SECTM1: variants seen among roughly 807,000 people sequenced by gnomAD.
The protein encoded by SECTM1 is secreted and transmembrane protein 1.
A neutral mutation model predicts 18.1 loss-of-function variants in SECTM1; 10 were observed. The observed-to-expected ratio is 0.55, with a 90% CI of 0.34 to 0.94. The LOEUF (loss-of-function observed/expected upper bound fraction) is 0.94. Among genes scored for constraint, SECTM1 ranks in the 40% least tolerant of loss-of-function variants. The pLI is 0.02. For synonymous variants in SECTM1, 137 were observed against 139.2 expected (o/e 0.98, Z 0.11); for missense variants, 297 against 322.6 (o/e 0.92, Z 0.61).
At chr17:82,332,576 C>T (rs146000966) in intron 1 of SECTM1, among the ~76,000 whole-genome samples, 1 of 152,314 alleles carries the variant, frequency 6.6e-6, no homozygotes, top group African/African-American at 2.4e-5. Context: ...ACGTCTCTAC[C>T]GAGAATGAGC....
rs1399214205 is a variant in SECTM1, at chr17:82,327,194, A to G, written c.47T>C (p.Leu16Pro). ...GGCAGCCAAAAACAGGAGGGTCCCA[A>G]GGGCCTGGGAAACGTGGCCAGGGAA... is the stretch of plus-strand genomic sequence containing the variant. Reference protein sequence around the residue: ...LAFPGHVSQALGTLLFLAASL... With the variant: ...LAFPGHVSQAPGTLLFLAASL... Residue 16 changes from leucine to proline, a missense_variant, in exon 2 of 5, where the codon CTT becomes CCT. By Grantham distance (98) the Leu-to-Pro change is moderately conservative (BLOSUM62 -3). Coordinates refer to ENST00000269389, the MANE Select transcript of SECTM1 (RefSeq NM_003004.3). 3.1e-6 allele frequency: 5 copies of G among 1,612,752 alleles called. No homozygotes were observed. Among genetic ancestry groups the G allele is most frequent in the Admixed American group, 1.7e-5 (1 of 59,876 alleles).
At position 82,324,895 on chromosome 17, in the gene SECTM1, AG is replaced by A; in HGVS notation, c.95-6del. On this transcript the variant is annotated splice_polypyrimidine_tract_variant and splice_region_variant and intron_variant, in intron 2 of 4. Transcript: ENST00000269389. ...TGCAGATGGGGCTGTCCCAGCCTGT[AG>A]GGCCAGACAGAGGCACACACGGATC... is the stretch of plus-strand genomic sequence containing the variant. The A allele has an allele frequency of 1.2e-6, 2 of 1,605,118 alleles. No homozygotes were observed. Among genetic ancestry groups the A allele is most frequent in the Non-Finnish European group, 1.7e-6 (2 of 1,174,428 alleles).
At position 82,326,696 on chromosome 17, in the gene SECTM1, G is replaced by A. The variant is rs1387633205; in HGVS notation, c.94+451C>T. ...CTAGAGAGCTGGGGAGGATCTCACTGGGGGACCCTGTTCAAATGCAGATCC... is the reference window on the plus strand; with the variant it reads ...CTAGAGAGCTGGGGAGGATCTCACTAGGGGACCCTGTTCAAATGCAGATCC... On this transcript the variant is annotated intron_variant, in intron 2 of 4. Transcript: ENST00000269389. The surrounding 1 kb of genome is among the most constrained non-coding windows in gnomAD (Gnocchi z 4.3). Among the ~76,000 whole-genome samples the A allele has an allele frequency of 6.6e-6, 1 of 152,154 alleles. No individual in the cohort carries two copies. Among genetic ancestry groups the A allele is most frequent in the Non-Finnish European group, 1.5e-5 (1 of 68,026 alleles).
At chr17:82,327,983 T>G (rs1316374594) in intron 1 of SECTM1, 2 of 66,506 alleles carry the variant, frequency 3.0e-5, no homozygotes, top group African/African-American at 1.2e-4. Flanking sequence ...CTCCCCAGCC[T>G]GTCCATCAGC....
intron 1 of SECTM1, among the ~76,000 whole-genome samples, chr17:82,332,422 T>A (rs955017234): frequency 6.6e-6 from 1 of 151,884 alleles, no homozygotes; most frequent in African/African-American, 2.4e-5. Context: ...GGGTGCTGGG[T>A]GTGTGGAAGC....
rs1011423063 is a variant in SECTM1 at position 82,321,989 on chromosome 17, G to C, written c.*172C>G. On this transcript the variant is annotated 3_prime_UTR_variant, in exon 5 of 5. Transcript: ENST00000269389. ...TGAGGAAGCAGAGCTTGGAAGACCT[G>C]GGGGGTGGAGGGGAAGGGTCTGCAC... The C allele has an allele frequency of 5.0e-6, 3 of 595,596 alleles. No individual in the cohort carries two copies. In the African/African-American group the frequency reaches 5.7e-5, roughly 11 times the overall value. 36.9% of individuals were successfully genotyped at this position (595,596 alleles called of 1,614,324 possible).
At position 82,322,867 on chromosome 17, in the gene SECTM1, G is replaced by T. The variant is rs747831859; in HGVS notation, c.537+11C>A. The T allele has an allele frequency of 2.7e-5, 43 of 1,613,062 alleles. 1 individual carries two copies. In the South Asian group the frequency reaches 4.4e-4, roughly 16 times the overall value. On this transcript the variant is annotated intron_variant, in intron 4 of 4. Transcript: ENST00000269389. ...CCCACCCCGCACAAACTGGGGTGCAGGGCCTCCTACCTCCCGGCGTTGCTG... is the reference window on the plus strand; with the variant it reads ...CCCACCCCGCACAAACTGGGGTGCATGGCCTCCTACCTCCCGGCGTTGCTG...
rs952526360 is a variant in SECTM1 at position 82,326,378 on chromosome 17, T to A, written c.94+769A>T. 6.6e-6 allele frequency among the ~76,000 whole-genome samples: 1 copy of A among 151,992 alleles called. No individual in the cohort carries two copies. Among genetic ancestry groups the A allele is most frequent in the African/African-American group, 2.4e-5 (1 of 41,364 alleles). Reference sequence around the variant, plus strand: ...ACTTTGGGAGGCCGAGGTGGGAGGATCACTTGAGCCCAGGAGTTTGAGACC... The same window carrying A: ...ACTTTGGGAGGCCGAGGTGGGAGGAACACTTGAGCCCAGGAGTTTGAGACC... On this transcript the variant is annotated intron_variant, in intron 2 of 4. Transcript: ENST00000269389. The surrounding 1 kb of genome is among the most constrained non-coding windows in gnomAD (Gnocchi z 4.3).
At chr17:82,333,456 C>G (rs1309593148) in intron 1 of SECTM1, among the ~76,000 whole-genome samples, 1 of 152,064 alleles carries the variant, frequency 6.6e-6, no homozygotes, top group Non-Finnish European at 1.5e-5. Flanking sequence ...TGGCCTGCGA[C>G]GCACGCTCAG....
chr17:82,333,191 C>A (rs1245554670), intron 1 of SECTM1, among the ~76,000 whole-genome samples: 2 of 152,252 alleles, frequency 1.3e-5, no homozygotes, highest in Non-Finnish European at 2.9e-5. Context: ...AGCTTGTGTG[C>A]ACGCATATGA....
In SECTM1 at chr17:82,324,749, T is replaced by C; in HGVS notation, c.236A>G (p.Asn79Ser). The stretch of plus-strand genomic sequence containing the variant: ...GGAGAAGTAGCCTGGAGCCACCTCA[T>C]TGAAGATGGCGCTCTCCTGCCCGTG... ...RAHGQESAIF[N>S]EVAPGYFSRD... Residue 79 changes from asparagine (N) to serine (S), a missense_variant, in exon 3 of 5, where the codon AAT becomes AGT. Transcript: ENST00000269389. 6.2e-7 allele frequency: 1 copy of C among 1,614,096 alleles called. No individual in the cohort carries two copies. Among genetic ancestry groups the C allele is most frequent in the East Asian group, 2.2e-5 (1 of 44,860 alleles).
rs2052144400 is a variant in SECTM1 at position 82,326,213 on chromosome 17, C to T, written c.94+934G>A. On this transcript the variant is annotated intron_variant, in intron 2 of 4. Transcript: ENST00000269389. This position sits in a 1 kb window ranked among gnomAD's most constrained non-coding sequence, Gnocchi z 4.3. ...GGGTTCTTCCACCTGGGATTCTTCC[C>T]TTTCAGTTTTGTTTTGTTTTTTGTT... Among the ~76,000 whole-genome samples, 1 of 152,258 alleles carries T rather than the reference C, an allele frequency of 6.6e-6. No homozygotes were observed. The highest frequency in any genetic ancestry group is 1.5e-5 in the Non-Finnish European group (1 of 68,044).
intron 1 of SECTM1, among the ~76,000 whole-genome samples, 156 bp from the exon 2 acceptor site, chr17:82,327,448 C>T (rs1318686882): frequency 1.3e-5 from 2 of 152,240 alleles, no homozygotes; most frequent in Non-Finnish European, 2.9e-5. Context: ...CTTCCCTTCC[C>T]TGTGCCTGTA....
rs1468053772 is a variant in SECTM1 at position 82,328,613 on chromosome 17, G to T, written c.-52-1321C>A. The stretch of plus-strand genomic sequence containing the variant: ...GGTCAGGCCCTCACGTGGACCAGGT[G>T]ACGTGCTTTTGCATGAACCTGTTGA... On this transcript the variant is annotated intron_variant, in intron 1 of 4. Transcript: ENST00000269389. This position sits in a 1 kb window ranked among gnomAD's most constrained non-coding sequence, Gnocchi z 5.8. The T allele has an allele frequency of 6.6e-6, 1 of 152,336 alleles. No homozygotes were observed. 9.4% of individuals were successfully genotyped at this position (152,336 alleles called of 1,614,324 possible). A position where few individuals can be genotyped will look rare whatever the true frequency, so the allele number is the denominator to read the frequency against.
At chr17:82,324,551 C>T (rs1198029082) in intron 3 of SECTM1, 31 bp downstream of exon 3, 8 of 1,551,484 alleles carry the variant, frequency 5.2e-6, no homozygotes, top group East Asian at 2.3e-5. Context: ...TCTCACTCCC[C>T]TCCCCCTTGC....
In SECTM1 at chr17:82,321,992, G is replaced by A. The variant is rs1264335448; in HGVS notation, c.*169C>T. ...GGAAGCAGAGCTTGGAAGACCTGGG[G>A]GGTGGAGGGGAAGGGTCTGCACGCA... On this transcript the variant is annotated 3_prime_UTR_variant, in exon 5 of 5. Transcript: ENST00000269389. 8.3e-6 allele frequency: 5 copies of A among 601,414 alleles called. No individual in the cohort carries two copies. The highest frequency in any genetic ancestry group is 1.5e-5 in the Non-Finnish European group (5 of 342,254). The allele number at this position is 601,414 out of a possible 1,614,324, so 37.3% of individuals were successfully genotyped here.
chr17:82,321,907 G>A lies in SECTM1; in HGVS notation c.*254C>T. 5.8e-6 allele frequency: 3 copies of A among 513,578 alleles called. No individual in the cohort carries two copies. Among genetic ancestry groups the A allele is most frequent in the Non-Finnish European group, 1.0e-5 (3 of 285,744 alleles). The allele number at this position is 513,578 out of a possible 1,614,324, so 31.8% of individuals were successfully genotyped here. On this transcript the variant is annotated 3_prime_UTR_variant, in exon 5 of 5. Coordinates refer to ENST00000269389, the MANE Select transcript of SECTM1 (RefSeq NM_003004.3). ...TGGGTTTGATGAGGGCAGAGGGAGG[G>A]GCATGCGTCCTGGTAAGTCGGGTGC...
chr17:82,322,284 T>C lies in SECTM1; in HGVS notation c.624A>G (p.Glu208=). 6.2e-7 allele frequency: 1 copy of C among 1,612,452 alleles called. No individual in the cohort carries two copies. Residue 208 remains glutamate, a synonymous_variant, in exon 5 of 5, where the codon GAA becomes GAG. Transcript: ENST00000269389. ...TGGGCTCGGAGTCTGGGGTCCACAG[T>C]TCAGCGGAGGCTCTGCTCAGGCCCT... ...AQQGLSRASA[E]LWTPDSEPTP...
chr17:82,331,756 G>A (rs890844926), intron 1 of SECTM1, among the ~76,000 whole-genome samples: 4 of 152,248 alleles, frequency 2.6e-5, no homozygotes, highest in Non-Finnish European at 5.9e-5. Flanking sequence ...CCAGGTGGGC[G>A]GTGACTGGCC....
Sources: gnomAD v4.1 joint callset for allele counts (sites outside exome capture counted in the v4.1 genomes callset) on GRCh38, gnomAD v4.1.1 for gene constraint, Gnocchi (gnomAD v3.1) non-coding constraint, MANE v1.5 for transcripts, NCBI Gene and HGNC (gene_info 2026-07-23, HGNC 2026-07-21) for gene names.